The following GLT1D1 variants were observed in gnomAD, a reference collection of about 807,000 sequenced individuals.
GLT1D1 encodes the protein glycosyltransferase 1 domain-containing protein 1.
Under a neutral mutation model 28.7 loss-of-function variants are expected in GLT1D1, and 21 were observed. That is an observed-to-expected ratio of 0.73 (90% CI 0.52 to 1.05). GLT1D1 has a LOEUF of 1.05. Among genes scored for constraint, GLT1D1 ranks in the 50% least tolerant of loss-of-function variants. The probability of loss-of-function intolerance (pLI) is 0.00; values close to 1 mark genes in which losing one functional copy is unlikely to be tolerated. For missense variants in GLT1D1, 343 were observed against 330.6 expected, an observed-to-expected ratio of 1.04 and a Z score of -0.29; for synonymous variants, 147 against 124.8, an observed-to-expected ratio of 1.18 and a Z score of -1.19.
chr12:128,886,465 T>A (rs1397085899), intron 2 of GLT1D1, among the ~76,000 whole-genome samples: 1 of 151,818 alleles, frequency 6.6e-6, no homozygotes, highest in African/African-American at 2.4e-5. Context: ...GTTCTGGAGG[T>A]TGGAAAGCTG....
intron 4 of GLT1D1, among the ~76,000 whole-genome samples, chr12:128,913,788 G>A (rs564432344): frequency 1.3e-3 from 193 of 152,320 alleles, no homozygotes; most frequent in African/African-American, 4.4e-3. Flanking sequence ...CTGAGGCAGC[G>A]CGTAGGTTTG....
intron 7 of GLT1D1, among the ~76,000 whole-genome samples, chr12:128,978,921 G>A (rs470607): frequency 0.8 from 122,065 of 152,068 alleles, 49,039 homozygotes; most frequent in African/African-American, 0.84. Flanking sequence ...GAGGACAACC[G>A]GAGGTCATGC....
At chr12:128,904,044 G>A (rs1331041489) in intron 4 of GLT1D1, among the ~76,000 whole-genome samples, 3 of 151,672 alleles carry the variant, frequency 2.0e-5, no homozygotes, top group Non-Finnish European at 4.4e-5. Context: ...TTTAATTAAA[G>A]AAATTTTCAG....
At chr12:128,925,218 T>C (rs1378350509) in intron 4 of GLT1D1, among the ~76,000 whole-genome samples, 1 of 152,180 alleles carries the variant, frequency 6.6e-6, no homozygotes, top group Non-Finnish European at 1.5e-5. Context: ...ATGTGCAGGA[T>C]GTGCAGGTTT....
intron 2 of GLT1D1, among the ~76,000 whole-genome samples, chr12:128,881,013 AG>A (rs1427630734): frequency 1.3e-5 from 2 of 148,616 alleles, no homozygotes; most frequent in Non-Finnish European, 3.0e-5. Flanking sequence ...TCACGAGGTC[AG>A]GAGATCGAGA....
intron 1 of GLT1D1, 91 bp from the exon 2 acceptor site, chr12:128,875,823 A>C: frequency 5.9e-5 from 13 of 221,094 alleles, no homozygotes; most frequent in Middle Eastern, 2.8e-3. Flanking sequence ...AACAACAACC[A>C]AAAAAAAAAA....
At chr12:128,881,073 A>G (rs1416652635) in intron 2 of GLT1D1, among the ~76,000 whole-genome samples, 1 of 151,592 alleles carries the variant, frequency 6.6e-6, no homozygotes, top group African/African-American at 2.4e-5. Flanking sequence ...AAATACAAAA[A>G]TTTAGCCGGG....
At position 128,914,919 on chromosome 12, in the gene GLT1D1, T is replaced by G; in HGVS notation, c.375+15632T>G. On this transcript the variant is annotated intron_variant, in intron 4 of 7. Coordinates refer to ENST00000281703, the MANE Select transcript of GLT1D1 (RefSeq NM_144669.3). ...TCAAAGTGAACTTGCCCTTTTTTTG[T>G]TTCTTTGACCCAGGAATTGCAACAA... 6.5e-7 allele frequency: 1 copy of G among 1,535,634 alleles called. No homozygotes were observed. The highest frequency in any genetic ancestry group is 8.7e-7 in the Non-Finnish European group (1 of 1,146,466).
intron 7 of GLT1D1, among the ~76,000 whole-genome samples, chr12:128,967,230 A>T (rs1878547097): frequency 6.6e-6 from 1 of 151,936 alleles, no homozygotes; most frequent in South Asian, 2.1e-4. Flanking sequence ...ATAGTGTTCT[A>T]TGTGACTTGC....
intron 2 of GLT1D1, among the ~76,000 whole-genome samples, chr12:128,887,072 C>A (rs971087659): frequency 2.8e-4 from 42 of 151,088 alleles, no homozygotes; most frequent in Non-Finnish European, 8.8e-5. Context: ...AGTGCGGTGG[C>A]GTGATCTCAG....
chr12:128,874,933 ATGT>A (rs1956836338), intron 1 of GLT1D1, among the ~76,000 whole-genome samples: 1 of 152,030 alleles, frequency 6.6e-6, no homozygotes, highest in East Asian at 1.9e-4. Context: ...GATTTTGTTC[ATGT>A]TGTTGTCACT....
intron 4 of GLT1D1, among the ~76,000 whole-genome samples, chr12:128,933,993 C>T (rs1041982077): frequency 2.0e-5 from 3 of 152,106 alleles, no homozygotes; most frequent in Non-Finnish European, 4.4e-5. Flanking sequence ...ATTTAACACC[C>T]TGAATCTCAC....
At chr12:128,875,530 C>T (rs941281679) in intron 1 of GLT1D1, among the ~76,000 whole-genome samples, 15 of 152,208 alleles carry the variant, frequency 9.9e-5, no homozygotes, top group African/African-American at 3.4e-4. Flanking sequence ...AGCACAGTGG[C>T]TCATGCCTGT....
intron 7 of GLT1D1, among the ~76,000 whole-genome samples, chr12:128,958,748 C>CAAAAAAAAA (rs71072431): frequency 2.3e-5 from 1 of 42,666 alleles, no homozygotes; most frequent in Non-Finnish European, 3.8e-5. Flanking sequence ...GACTCTGCCT[C>CAAAAAAAAA]AAAAAAAAAA....
At chr12:128,862,886 A>G (rs889297532) in intron 1 of GLT1D1, among the ~76,000 whole-genome samples, 5 of 152,066 alleles carry the variant, frequency 3.3e-5, no homozygotes, top group Non-Finnish European at 5.9e-5. Flanking sequence ...TTACCCAAAC[A>G]TTTGTCTGAT....
At chr12:128,905,589 G>A (rs995140687) in intron 4 of GLT1D1, among the ~76,000 whole-genome samples, 8 of 152,066 alleles carry the variant, frequency 5.3e-5, no homozygotes, top group Non-Finnish European at 7.4e-5. Flanking sequence ...CAGTAAAGAC[G>A]GTTTTATCTC....
chr12:128,862,541 G>A (rs767069586), intron 1 of GLT1D1, among the ~76,000 whole-genome samples: 1 of 152,140 alleles, frequency 6.6e-6, no homozygotes. Flanking sequence ...TACTCAGAAG[G>A]CTGAGGCAGG....
intron 2 of GLT1D1, among the ~76,000 whole-genome samples, chr12:128,882,920 A>C (rs1253210052): frequency 7.1e-6 from 1 of 140,020 alleles, no homozygotes; most frequent in Non-Finnish European, 1.6e-5. Context: ...TTATTTATTT[A>C]TTTATATTTT....
intron 7 of GLT1D1, among the ~76,000 whole-genome samples, chr12:128,977,060 C>T (rs1336851162): frequency 6.6e-6 from 1 of 152,180 alleles, no homozygotes; most frequent in Non-Finnish European, 1.5e-5. Flanking sequence ...GCAGGTGAAT[C>T]GCTTGACCCC....
Sources: allele counts gnomAD v4.1 joint callset (sites outside exome capture counted in the v4.1 genomes callset), GRCh38; gene constraint gnomAD v4.1.1; transcripts MANE v1.5; gene names NCBI Gene and HGNC (gene_info 2026-07-23, HGNC 2026-07-21).